The following SND1 variants were observed in gnomAD, a reference collection of about 807,000 sequenced individuals.
The protein encoded by SND1 is staphylococcal nuclease and tudor domain containing 1, also known as staphylococcal nuclease domain-containing protein 1.
SND1 carries 38 observed loss-of-function variants against 121.7 expected under a neutral mutation model. The ratio of observed to expected loss-of-function variants is 0.31; its 90% CI spans 0.24 to 0.41. The LOEUF is 0.41. SND1 is among the 10% of genes least tolerant of loss of function. SND1 has a pLI of 1.00. For synonymous variants in SND1, 401 were observed against 447.4 expected (o/e 0.90, Z 1.31); for missense variants, 868 against 1,184.6 (o/e 0.73, Z 3.92).
intron 10 of SND1, among the ~76,000 whole-genome samples, chr7:127,729,046 C>T (rs1390694200): frequency 6.6e-6 from 1 of 152,104 alleles, no homozygotes; most frequent in Admixed American, 6.6e-5. Flanking sequence ...CGCCCTGCCT[C>T]TCTCTGTGTG....
intron 16 of SND1, among the ~76,000 whole-genome samples, chr7:128,005,272 C>G (rs1199214108): frequency 6.6e-6 from 1 of 152,172 alleles, no homozygotes; most frequent in East Asian, 1.9e-4. Flanking sequence ...CGTAGCCAGC[C>G]CTTCAGCCCT....
At position 128,052,212 on chromosome 7, in the gene SND1, G is replaced by A. The variant is rs1051897562; in HGVS notation, c.1780-22290G>A. The stretch of plus-strand genomic sequence containing the variant: ...GCCCAGAGGAGCTGCCAGGCAGGAC[G>A]GAAGGCTGGGGCTGCCAGTGGTCCA... On this transcript the variant is annotated intron_variant, in intron 16 of 23. Transcript: ENST00000354725. The surrounding 1 kb of genome is among the most constrained non-coding windows in gnomAD (Gnocchi z 4.6). 3.3e-5 allele frequency among the ~76,000 whole-genome samples: 5 copies of A among 152,190 alleles called. No individual in the cohort carries two copies. The highest frequency in any genetic ancestry group is 2.0e-4 in the Admixed American group (3 of 15,286).
chr7:127,690,171 C>CAGTGGTTCCTCATATTCCAAGACACTTT (rs1448385360), intron 2 of SND1, among the ~76,000 whole-genome samples: 1 of 152,098 alleles, frequency 6.6e-6, no homozygotes, highest in Non-Finnish European at 1.5e-5. Context: ...CCAGACTCTT[C>CAGTGGTTCCTCATATTCCAAGACACTTT]AGTGGTTCCT....
Position 128,092,327 on chromosome 7 carries a change from TTAAAA to T in SND1, c.*270_*274del, listed in dbSNP as rs1793796206. ...TTATTTGGAGGTTTGTGGGCTTTTT[TTAAAA>T]AAAAAAAGTCCTCAAATCAGGAAGA... On this transcript the variant is annotated 3_prime_UTR_variant, in exon 24 of 24. Transcript: ENST00000354725. The surrounding 1 kb of genome is among the most constrained non-coding windows in gnomAD (Gnocchi z 4.9). The T allele has an allele frequency of 2.3e-6, 1 of 441,324 alleles. No homozygotes were observed. Among genetic ancestry groups the T allele is most frequent in the Non-Finnish European group, 4.1e-6 (1 of 244,822 alleles). The allele number at this position is 441,324 out of a possible 1,614,324, so 27.3% of individuals were successfully genotyped here. A position where few individuals can be genotyped will look rare whatever the true frequency, so the allele number is the denominator to read the frequency against.
At chr7:127,742,821 A>T (rs1255853851) in intron 10 of SND1, among the ~76,000 whole-genome samples, 2 of 152,168 alleles carry the variant, frequency 1.3e-5, no homozygotes, top group Non-Finnish European at 2.9e-5. Context: ...AGCACATGCT[A>T]ATCAAGGCAG....
At chr7:127,691,770 G>A (rs1587599451) in intron 2 of SND1, among the ~76,000 whole-genome samples, 1 of 149,044 alleles carries the variant, frequency 6.7e-6, no homozygotes, top group Non-Finnish European at 1.5e-5. Flanking sequence ...GCGCCAACAT[G>A]CCTGGCTAAT....
rs564364547 is a variant in SND1, at chr7:127,736,552, G to A, written c.1152+15152G>A. ...TGCCTTGAAGTACAAAGCATTAAAC[G>A]GTCTGTTCAGATCAGAGGTAGCTCT... On this transcript the variant is annotated intron_variant, in intron 10 of 23. Transcript: ENST00000354725. Among the ~76,000 whole-genome samples the A allele has an allele frequency of 7.2e-5, 11 of 152,236 alleles. No homozygotes were observed. The South Asian group carries it at 1.7e-3, about 23-fold the overall frequency.
At chr7:127,761,541 C>A (rs1014870218) in intron 10 of SND1, among the ~76,000 whole-genome samples, 1 of 152,306 alleles carries the variant, frequency 6.6e-6, no homozygotes, top group South Asian at 2.1e-4. Flanking sequence ...AACACATAAT[C>A]GTATACACAC....
At chr7:128,025,315 A>C (rs1803450376) in intron 16 of SND1, among the ~76,000 whole-genome samples, 1 of 152,200 alleles carries the variant, frequency 6.6e-6, no homozygotes, top group Admixed American at 6.5e-5. Flanking sequence ...CTCAGGAGTC[A>C]AAAGACCTGG....
chr7:127,721,281 T>C lies in SND1; in HGVS notation c.1039-6T>C. 1.2e-6 allele frequency: 2 copies of C among 1,610,278 alleles called. No individual in the cohort carries two copies. The highest frequency in any genetic ancestry group is 8.5e-7 in the Non-Finnish European group (1 of 1,176,796). On this transcript the variant is annotated splice_region_variant and splice_polypyrimidine_tract_variant and intron_variant, in intron 9 of 23. Transcript: ENST00000354725. Reference sequence around the variant, plus strand: ...CAGGTTTAAGCATGTTCCTTTTTGCTCACAGGTGATGCAGGTTCTGAATGC... The same window carrying C: ...CAGGTTTAAGCATGTTCCTTTTTGCCCACAGGTGATGCAGGTTCTGAATGC...
At chr7:127,861,761 G>A (rs553814074) in intron 12 of SND1, among the ~76,000 whole-genome samples, 5 of 152,284 alleles carry the variant, frequency 3.3e-5, no homozygotes, top group African/African-American at 7.2e-5. Flanking sequence ...GTGAGCCACC[G>A]CTCCTGGCCT....
chr7:128,079,797 G>A (rs1012352849), intron 17 of SND1, among the ~76,000 whole-genome samples: 3 of 152,210 alleles, frequency 2.0e-5, no homozygotes, highest in Admixed American at 6.5e-5. Flanking sequence ...AGAAAAGTTT[G>A]ACCAATGTCA....
chr7:127,981,805 G>A (rs887231343), intron 15 of SND1, among the ~76,000 whole-genome samples: 1 of 152,182 alleles, frequency 6.6e-6, no homozygotes, highest in Non-Finnish European at 1.5e-5. Flanking sequence ...TCCACTGGCT[G>A]TGGTCAATGA....
At chr7:127,794,761 G>T (rs576170645) in intron 10 of SND1, among the ~76,000 whole-genome samples, 2 of 152,280 alleles carry the variant, frequency 1.3e-5, no homozygotes, top group East Asian at 3.9e-4. Context: ...TCTTCTGAGG[G>T]CATTGGCTCT....
chr7:128,091,086 T>G (rs1793771515), intron 22 of SND1, among the ~76,000 whole-genome samples: 1 of 152,190 alleles, frequency 6.6e-6, no homozygotes, highest in Non-Finnish European at 1.5e-5. Flanking sequence ...AAGCTTACAT[T>G]CAAGCATGAG....
intron 15 of SND1, among the ~76,000 whole-genome samples, chr7:127,964,205 G>T (rs1467780113): frequency 5.3e-5 from 8 of 151,378 alleles, no homozygotes; most frequent in Non-Finnish European, 1.2e-4. Context: ...GTTATAGGTT[G>T]CCTGTTCACT....
chr7:128,058,285 C>T (rs1793175556), intron 16 of SND1, among the ~76,000 whole-genome samples: 1 of 152,286 alleles, frequency 6.6e-6, no homozygotes, highest in Non-Finnish European at 1.5e-5. Context: ...GATGAGCCAA[C>T]AGTTATTGAG....
intron 16 of SND1, among the ~76,000 whole-genome samples, chr7:128,053,966 C>G (rs1436779391): frequency 6.6e-6 from 1 of 152,222 alleles, no homozygotes; most frequent in Non-Finnish European, 1.5e-5. Flanking sequence ...GAAAATAAAA[C>G]AAGGTAATGG....
intron 21 of SND1, among the ~76,000 whole-genome samples, chr7:128,089,127 TC>T (rs1793733739): frequency 6.6e-6 from 1 of 152,164 alleles, no homozygotes; most frequent in African/African-American, 2.4e-5. Context: ...CAATATTGGC[TC>T]ACTGCAGCCT....
Sources: allele counts gnomAD v4.1 joint callset (sites outside exome capture counted in the v4.1 genomes callset), GRCh38; gene constraint gnomAD v4.1.1; non-coding constraint Gnocchi (gnomAD v3.1); transcripts MANE v1.5; gene names NCBI Gene and HGNC (gene_info 2026-07-23, HGNC 2026-07-21).